The following GABRA2 variants were observed in gnomAD, a reference collection of about 807,000 sequenced individuals.
GABRA2 encodes gamma-aminobutyric acid receptor subunit alpha-2.
In GABRA2, 16 loss-of-function variants were observed where a neutral mutation model predicts 48.7. The ratio of observed to expected loss-of-function variants is 0.33; its 90% confidence interval spans 0.22 to 0.50. The LOEUF is 0.50. Ranked by LOEUF, GABRA2 falls within the 20% of genes least tolerant of loss-of-function variation. The pLI, the probability that GABRA2 is intolerant of heterozygous loss-of-function variation, is 0.98. For missense variants in GABRA2, 275 were observed against 535.6 expected (o/e 0.51, Z 4.80); for synonymous variants, 185 against 184.5 (o/e 1.00, Z -0.02).
intron 1 of GABRA2, chr4:46,389,397 C>A: frequency 1.0e-6 from 1 of 985,234 alleles, no homozygotes; most frequent in Non-Finnish European, 1.2e-6. Flanking sequence ...GCTCTGGAGC[C>A]GAGGATCACA....
chr4:46,253,879 C>A (rs1365745795), intron 9 of GABRA2, among the ~76,000 whole-genome samples: 1 of 151,370 alleles, frequency 6.6e-6, no homozygotes, highest in Admixed American at 6.6e-5. Context: ...GAAAATAAGT[C>A]CCCTCAGTCC....
chr4:46,367,455 G>A (rs139808220), intron 3 of GABRA2: 14 of 152,004 alleles, frequency 9.2e-5, no homozygotes, highest in African/African-American at 2.2e-4. Context: ...TTACTGTCAC[G>A]GAGGTTGAAA....
At chr4:46,381,838 A>G (rs1219830764) in intron 3 of GABRA2, among the ~76,000 whole-genome samples, 1 of 152,178 alleles carries the variant, frequency 6.6e-6, no homozygotes, top group Non-Finnish European at 1.5e-5. Flanking sequence ...CAAGAAATCA[A>G]CTTAAAATAT....
intron 8 of GABRA2, among the ~76,000 whole-genome samples, chr4:46,265,386 ATATATATATAATATATTGTG>A (rs1198052039): frequency 3.8e-5 from 4 of 106,020 alleles, no homozygotes; most frequent in Non-Finnish European, 6.4e-5. Flanking sequence ...TGTGTACACA[ATATATATATAATATATTGTG>A]TATATATATA....
rs143436759 is a variant in GABRA2, at chr4:46,374,887, CT to C, written c.187+11186del. Reference sequence around the variant, plus strand: ...CCTGAAACATTTTGCATTCACCCCCCTAATAAGTTTGTGACAATCTGAATGT... The same window carrying C: ...CCTGAAACATTTTGCATTCACCCCCCAATAAGTTTGTGACAATCTGAATGT... On this transcript the variant is annotated intron_variant, in intron 3 of 9. Coordinates refer to ENST00000381620, the MANE Select transcript of GABRA2 (RefSeq NM_000807.4). Among the ~76,000 whole-genome samples the C allele has an allele frequency of 9.7e-3, 1,476 of 152,042 alleles. 61 individuals carry two copies. In the East Asian group the frequency reaches 0.14, roughly 15 times the overall value.
rs570889524 is a variant in GABRA2, at chr4:46,296,663, A to G, written c.856+6797T>C. Among the ~76,000 whole-genome samples, 6 of 151,410 alleles carry G rather than the reference A, an allele frequency of 4.0e-5. No homozygotes were observed. The East Asian group carries it at 1.2e-3, about 29-fold the overall frequency. ...GGATTACTCTATCAGGGGGAAAAAA[A>G]AAAAGAAAAAAAAAAACCTGCTGAG... is the stretch of plus-strand genomic sequence containing the variant. On this transcript the variant is annotated intron_variant, in intron 8 of 9. Coordinates refer to ENST00000381620, the MANE Select transcript of GABRA2 (RefSeq NM_000807.4).
intron 9 of GABRA2, among the ~76,000 whole-genome samples, chr4:46,252,214 T>G (rs1714913798): frequency 1.3e-5 from 2 of 151,476 alleles, no homozygotes; most frequent in African/African-American, 4.8e-5. Context: ...CTGACATTCT[T>G]CCAGATCTGG....
intron 8 of GABRA2, among the ~76,000 whole-genome samples, chr4:46,265,868 AT>A (rs1419822071): frequency 1.3e-5 from 2 of 151,912 alleles, no homozygotes; most frequent in South Asian, 4.1e-4. Context: ...AACATACGTT[AT>A]TTTTTGTTTC....
In GABRA2 at chr4:46,248,108, T is replaced by C. The variant is rs896146176; in HGVS notation, c.*2200A>G. 6.6e-6 allele frequency among the ~76,000 whole-genome samples: 1 copy of C among 151,350 alleles called. No individual in the cohort carries two copies. Among genetic ancestry groups the C allele is most frequent in the African/African-American group, 2.4e-5 (1 of 41,344 alleles). On this transcript the variant is annotated 3_prime_UTR_variant, in exon 10 of 10. Coordinates refer to ENST00000381620, the MANE Select transcript of GABRA2 (RefSeq NM_000807.4). ...TATAGATAAGCCTTTTCTGTTGTCA[T>C]ACAGAAACTGTTATTTACAACTGTT...
intron 8 of GABRA2, among the ~76,000 whole-genome samples, chr4:46,290,348 T>C (rs1392062617): frequency 6.6e-6 from 1 of 152,138 alleles, no homozygotes; most frequent in African/African-American, 2.4e-5. Context: ...ACTGAATCTG[T>C]AGATCTCTTT....
chr4:46,250,930 T>G (rs1156348272), intron 9 of GABRA2, among the ~76,000 whole-genome samples: 1 of 151,518 alleles, frequency 6.6e-6, no homozygotes, highest in African/African-American at 2.4e-5. Context: ...ATTTGTCAAA[T>G]GAATGACTGA....
At chr4:46,262,228 T>C in intron 8 of GABRA2, 100 bp from the exon 9 acceptor site, 1 of 749,446 alleles carries the variant, frequency 1.3e-6, no homozygotes, top group Non-Finnish European at 2.2e-6. Context: ...AAGCTTTTAC[T>C]ACTCTTATCC....
rs574630184 is a variant in GABRA2, at chr4:46,274,011, C to CG, written c.857-11884dup. 8.0e-4 allele frequency among the ~76,000 whole-genome samples: 121 copies of CG among 151,904 alleles called. 1 individual carries two copies. In the East Asian group the frequency reaches 0.016, roughly 20 times the overall value. Reference sequence around the variant, plus strand: ...ATATCTTAGCTCCTATAGCTATAAGCGGGGGGGCAGAAGAATGTAGTCTTG... The same window carrying CG: ...ATATCTTAGCTCCTATAGCTATAAGCGGGGGGGGCAGAAGAATGTAGTCTTG... On this transcript the variant is annotated intron_variant, in intron 8 of 9. Transcript: ENST00000381620.
intron 3 of GABRA2, among the ~76,000 whole-genome samples, chr4:46,376,777 C>T (rs913998920): frequency 1.3e-5 from 2 of 150,972 alleles, no homozygotes; most frequent in Admixed American, 6.6e-5. Flanking sequence ...CCTCTCCCCA[C>T]GGTCTCCCTC....
chr4:46,258,536 A>T (rs916064488), intron 9 of GABRA2, among the ~76,000 whole-genome samples: 1 of 151,854 alleles, frequency 6.6e-6, no homozygotes, highest in Admixed American at 6.6e-5. Context: ...TGAATACTCA[A>T]AACAAAAACA....
intron 4 of GABRA2, among the ~76,000 whole-genome samples, chr4:46,324,569 T>G (rs192078156): frequency 2.0e-5 from 3 of 152,118 alleles, no homozygotes; most frequent in Admixed American, 6.6e-5. Flanking sequence ...AGTTTTTTTT[T>G]TCTTTTGTCA....
intron 7 of GABRA2, among the ~76,000 whole-genome samples, chr4:46,304,565 T>C (rs180856253): frequency 6.6e-6 from 1 of 152,136 alleles, no homozygotes; most frequent in East Asian, 1.9e-4. Context: ...CCTGTAGTAA[T>C]TATCAACATC....
chr4:46,376,822 T>C (rs1724236785), intron 3 of GABRA2, among the ~76,000 whole-genome samples: 1 of 151,834 alleles, frequency 6.6e-6, no homozygotes, highest in Admixed American at 6.6e-5. Context: ...GATGCCGAGC[T>C]GAAGCTGGAC....
chr4:46,369,062 C>A, intron 3 of GABRA2: 1 of 690,190 alleles, frequency 1.4e-6, no homozygotes, highest in Non-Finnish European at 2.6e-6. Context: ...ATAATCAAAT[C>A]TAACTAAAAG....
Sources: gnomAD v4.1 joint callset for allele counts (sites outside exome capture counted in the v4.1 genomes callset) on GRCh38, gnomAD v4.1.1 for gene constraint, MANE v1.5 for transcripts, NCBI Gene and HGNC (gene_info 2026-07-23, HGNC 2026-07-21) for gene names.